Variants in PDE4D observed in about 807,000 individuals in gnomAD.
PDE4D encodes the protein phosphodiesterase 4D, also known as 3',5'-cyclic-AMP phosphodiesterase 4D.
Under a neutral mutation model 87.4 loss-of-function variants are expected in PDE4D, and 24 were observed. That is an observed-to-expected ratio of 0.27 (90% CI 0.20 to 0.39). PDE4D has a LOEUF of 0.39. Among genes scored for constraint, PDE4D ranks in the 10% least tolerant of loss-of-function variants. The pLI, the probability that PDE4D is intolerant of heterozygous loss-of-function variation, is 1.00. For missense variants in PDE4D, 714 were observed against 1,041.0 expected, an observed-to-expected ratio of 0.69 and a Z score of 4.32; for synonymous variants, 384 against 383.2, an observed-to-expected ratio of 1.00 and a Z score of -0.02.
At chr5:59,988,401 G>A in intron 3 of PDE4D, 1 of 745,830 alleles carries the variant, frequency 1.3e-6, no homozygotes, top group African/African-American at 1.7e-5. Context: ...CTCAAATCAA[G>A]CAATGAGCCA....
At chr5:59,372,596 C>T (rs991156448) in intron 1 of PDE4D, among the ~76,000 whole-genome samples, 5 of 152,156 alleles carry the variant, frequency 3.3e-5, no homozygotes, top group African/African-American at 1.2e-4. Flanking sequence ...ATCACTCCTG[C>T]TTGTGGGGCA....
At chr5:59,612,036 G>A (rs555315508) in intron 1 of PDE4D, among the ~76,000 whole-genome samples, 40 of 152,228 alleles carry the variant, frequency 2.6e-4, no homozygotes, top group Admixed American at 5.9e-4. Flanking sequence ...CTCCTGAACA[G>A]CACAATGTCT....
intron 2 of PDE4D, among the ~76,000 whole-genome samples, chr5:60,083,854 C>T (rs983476409): frequency 2.0e-5 from 3 of 152,120 alleles, no homozygotes; most frequent in Non-Finnish European, 4.4e-5. Context: ...AGTAACTCTA[C>T]GGTTATGGTC....
chr5:59,073,987 G>A (rs1561436585), intron 5 of PDE4D, among the ~76,000 whole-genome samples: 1 of 152,144 alleles, frequency 6.6e-6, no homozygotes, highest in East Asian at 1.9e-4. Context: ...CTTGATGCAT[G>A]TTTGTACTAC....
At chr5:58,984,227 A>G (rs1745892254) in intron 11 of PDE4D, among the ~76,000 whole-genome samples, 1 of 152,234 alleles carries the variant, frequency 6.6e-6, no homozygotes, top group South Asian at 2.1e-4. Context: ...AGTTGTCAAG[A>G]AAACTGCCTC....
At chr5:60,358,984 A>G (rs897554463) in intron 1 of PDE4D, among the ~76,000 whole-genome samples, 1 of 152,348 alleles carries the variant, frequency 6.6e-6, no homozygotes, top group Admixed American at 6.5e-5. Context: ...TAATCAAAAG[A>G]CATCAATTGG....
chr5:59,228,446 A>T (rs1441882383), intron 1 of PDE4D, among the ~76,000 whole-genome samples: 1 of 151,972 alleles, frequency 6.6e-6, no homozygotes, highest in Non-Finnish European at 1.5e-5. Context: ...CAACAAAAAA[A>T]AAAAACAAGC....
At chr5:59,631,135 A>G (rs1293386937) in intron 1 of PDE4D, among the ~76,000 whole-genome samples, 1 of 152,174 alleles carries the variant, frequency 6.6e-6, no homozygotes, top group East Asian at 1.9e-4. Flanking sequence ...CATGGCCAAT[A>G]ACTTTATTTG....
chr5:60,374,700 A>T (rs1302464758), intron 1 of PDE4D, among the ~76,000 whole-genome samples: 2 of 152,148 alleles, frequency 1.3e-5, no homozygotes, highest in Non-Finnish European at 2.9e-5. Flanking sequence ...CTCCAAATAG[A>T]TCATCAGGGC....
At chr5:60,239,486 C>A (rs1009617797) in intron 1 of PDE4D, among the ~76,000 whole-genome samples, 1 of 152,098 alleles carries the variant, frequency 6.6e-6, no homozygotes, top group African/African-American at 2.4e-5. Flanking sequence ...CAAAACCACT[C>A]TTGTGTGAGC....
At chr5:60,329,602 T>C (rs950392162) in intron 1 of PDE4D, among the ~76,000 whole-genome samples, 1 of 152,222 alleles carries the variant, frequency 6.6e-6, no homozygotes, top group African/African-American at 2.4e-5. Context: ...CTGCCTCTGC[T>C]ACAATAGATT....
At chr5:60,324,959 G>T (rs139540603) in intron 1 of PDE4D, among the ~76,000 whole-genome samples, 6 of 152,246 alleles carry the variant, frequency 3.9e-5, no homozygotes, top group African/African-American at 1.4e-4. Flanking sequence ...TAACCCAAAA[G>T]CTGGAAGATC....
chr5:60,517,071 C>T (rs1470919940), intron 1 of PDE4D, among the ~76,000 whole-genome samples: 1 of 152,230 alleles, frequency 6.6e-6, no homozygotes, highest in Non-Finnish European at 1.5e-5. Context: ...AGCCTCTCCC[C>T]ACTCCTAGCT....
intron 2 of PDE4D, among the ~76,000 whole-genome samples, chr5:59,201,635 G>A (rs1340420141): frequency 6.6e-6 from 1 of 152,026 alleles, no homozygotes; most frequent in East Asian, 1.9e-4. Context: ...GTATTGCTTG[G>A]CCTTTTAATT....
intron 1 of PDE4D, among the ~76,000 whole-genome samples, chr5:59,373,532 T>C (rs1298895896): frequency 2.3e-4 from 35 of 152,056 alleles, no homozygotes; most frequent in Non-Finnish European, 2.9e-5. Context: ...TATGAGATTA[T>C]GTAAAGAGAC....
At chr5:59,495,141 A>T (rs760933864) in intron 1 of PDE4D, among the ~76,000 whole-genome samples, 1 of 152,140 alleles carries the variant, frequency 6.6e-6, no homozygotes, top group Admixed American at 6.5e-5. Flanking sequence ...AATATCCTTG[A>T]TCACTTCTGG....
At chr5:59,072,919 C>T (rs1358398168) in intron 5 of PDE4D, among the ~76,000 whole-genome samples, 4 of 152,110 alleles carry the variant, frequency 2.6e-5, no homozygotes, top group Admixed American at 6.6e-5. Flanking sequence ...GACTGAGTTG[C>T]TTGTGGTTCC....
At chr5:59,290,858 T>G (rs1451643501) in intron 1 of PDE4D, among the ~76,000 whole-genome samples, 2 of 152,068 alleles carry the variant, frequency 1.3e-5, no homozygotes, top group Non-Finnish European at 2.9e-5. Flanking sequence ...GTCAGAGAAA[T>G]GCAAATCAAA....
intron 1 of PDE4D, among the ~76,000 whole-genome samples, chr5:60,213,866 C>A (rs1743541807): frequency 6.6e-6 from 1 of 152,148 alleles, no homozygotes; most frequent in African/African-American, 2.4e-5. Flanking sequence ...TGTCTGTAGG[C>A]ACCATAGGAC....
Sources: gnomAD v4.1 joint callset for allele counts (sites outside exome capture counted in the v4.1 genomes callset) on GRCh38, gnomAD v4.1.1 for gene constraint, MANE v1.5 for transcripts, NCBI Gene and HGNC (gene_info 2026-07-23, HGNC 2026-07-21) for gene names.